CD96: variants seen among roughly 807,000 people sequenced by gnomAD.
CD96 encodes the protein T-cell surface protein tactile.
CD96 carries 70 observed loss-of-function variants against 71.3 expected under a neutral mutation model. The observed-to-expected ratio is 0.98, with a 90% confidence interval of 0.81 to 1.20. CD96 has a LOEUF of 1.20. Among genes scored for constraint, CD96 ranks in the 50% most tolerant of loss-of-function variants. CD96 has a pLI of 0.00. For synonymous variants in CD96, 248 were observed against 233.0 expected (o/e 1.06, Z -0.59); for missense variants, 742 against 677.5 (o/e 1.10, Z -1.06).
chr3:111,547,348 T>G (rs115649582), intron 2 of CD96, among the ~76,000 whole-genome samples: 1 of 152,344 alleles, frequency 6.6e-6, no homozygotes, highest in Non-Finnish European at 1.5e-5. Context: ...TGACCTCATT[T>G]GGAACCCAGT....
At chr3:111,661,986 T>C (rs1249706178) in intron 14 of CD96, among the ~76,000 whole-genome samples, 1 of 152,266 alleles carries the variant, frequency 6.6e-6, no homozygotes. Flanking sequence ...GCTCTGCCCC[T>C]GCAGCAGACT....
intron 6 of CD96, among the ~76,000 whole-genome samples, chr3:111,600,516 C>T (rs1221900836): frequency 1.3e-5 from 2 of 152,096 alleles, no homozygotes; most frequent in African/African-American, 4.8e-5. Flanking sequence ...TATTTTATAC[C>T]CTGACCATGG....
At chr3:111,607,214 A>G (rs960383785) in intron 8 of CD96, 1 of 220,998 alleles carries the variant, frequency 4.5e-6, no homozygotes, top group Non-Finnish European at 9.1e-6. Context: ...AAATAGGTTA[A>G]TAAATGACAG....
At chr3:111,644,187 T>C (rs1939722158) in intron 12 of CD96, among the ~76,000 whole-genome samples, 1 of 152,108 alleles carries the variant, frequency 6.6e-6, no homozygotes, top group Non-Finnish European at 1.5e-5. Flanking sequence ...CCAACTGATC[T>C]TCAACAAAGC....
intron 8 of CD96, among the ~76,000 whole-genome samples, chr3:111,617,588 T>C (rs1219488515): frequency 6.6e-6 from 1 of 152,154 alleles, no homozygotes. Context: ...TCCTCTCCAC[T>C]GAGAGCTGGA....
chr3:111,544,179 T>C (rs1440187396), intron 1 of CD96, among the ~76,000 whole-genome samples: 1 of 152,060 alleles, frequency 6.6e-6, no homozygotes, highest in African/African-American at 2.4e-5. Flanking sequence ...GGAGTCTCAC[T>C]CTGTTGCCAG....
intron 3 of CD96, among the ~76,000 whole-genome samples, chr3:111,573,051 T>G (rs1936058446): frequency 6.6e-6 from 1 of 152,180 alleles, no homozygotes; most frequent in African/African-American, 2.4e-5. Context: ...AAACTAATAA[T>G]CTACGTGAAT....
At chr3:111,631,089 A>G (rs1379523312) in intron 10 of CD96, among the ~76,000 whole-genome samples, 2 of 152,222 alleles carry the variant, frequency 1.3e-5, no homozygotes, top group African/African-American at 2.4e-5. Context: ...GAAAACCGGT[A>G]CAGGGTTGCC....
At chr3:111,598,308 G>C in intron 6 of CD96, 98 bp downstream of exon 6, 1 of 739,740 alleles carries the variant, frequency 1.4e-6, no homozygotes, top group Non-Finnish European at 2.5e-6. Flanking sequence ...TGGCATTTAA[G>C]AATGATTCTC....
chr3:111,547,275 A>G (rs1934455337), intron 2 of CD96, among the ~76,000 whole-genome samples: 1 of 152,234 alleles, frequency 6.6e-6, no homozygotes, highest in Admixed American at 6.5e-5. Flanking sequence ...TAATAATTAT[A>G]TTGAGCAAAT....
chr3:111,654,126 C>T (rs1440940762), downstream of CD96, among the ~76,000 whole-genome samples: 1 of 152,136 alleles, frequency 6.6e-6, no homozygotes, highest in Admixed American at 6.5e-5. Context: ...AATATAGAAA[C>T]TTTGTTCTCT....
intron 4 of CD96, among the ~76,000 whole-genome samples, chr3:111,582,903 G>T (rs1158068007): frequency 6.6e-6 from 1 of 152,068 alleles, no homozygotes; most frequent in Non-Finnish European, 1.5e-5. Flanking sequence ...TTCACCCATG[G>T]CCTGTCCCAA....
Position 111,651,677 on chromosome 3 carries a change from T to G in CD96, c.*1871T>G, listed in dbSNP as rs189597762. ...GTGGGTGGATCACGAGGTCAGGAGA[T>G]CGAGACCATCCTGGCTAACACAGTG... On this transcript the variant is annotated 3_prime_UTR_variant, in exon 14 of 14. Coordinates refer to ENST00000352690, the MANE Select transcript of CD96 (RefSeq NM_005816.5). The G allele has an allele frequency of 3.3e-5, 5 of 151,944 alleles. No individual in the cohort carries two copies. Among genetic ancestry groups the G allele is most frequent in the African/African-American group, 1.2e-4 (5 of 41,412 alleles). 9.4% of individuals were successfully genotyped at this position (151,944 alleles called of 1,614,324 possible).
chr3:111,604,108 C>CTTA (rs1937560064), intron 7 of CD96, among the ~76,000 whole-genome samples: 1 of 152,094 alleles, frequency 6.6e-6, no homozygotes, highest in African/African-American at 2.4e-5. Flanking sequence ...ACCTAGCAAG[C>CTTA]CCTGGGATTT....
intron 7 of CD96, among the ~76,000 whole-genome samples, chr3:111,604,174 G>A (rs1937562792): frequency 6.6e-6 from 1 of 152,178 alleles, no homozygotes; most frequent in Non-Finnish European, 1.5e-5. Flanking sequence ...GGAAACCCCG[G>A]AATTAAGCCA....
At chr3:111,657,786 ATG>A (rs147351969) in intron 14 of CD96, among the ~76,000 whole-genome samples, 36 of 151,444 alleles carry the variant, frequency 2.4e-4, no homozygotes, top group Non-Finnish European at 3.0e-5. Flanking sequence ...GTGTGTGTAT[ATG>A]TGTGTGTGTG....
At chr3:111,641,709 G>T (rs1176363396) in intron 12 of CD96, among the ~76,000 whole-genome samples, 1 of 152,168 alleles carries the variant, frequency 6.6e-6, no homozygotes, top group Non-Finnish European at 1.5e-5. Flanking sequence ...CTATTCAACA[G>T]TGCATGGAAC....
At chr3:111,655,295 C>T (rs1051610736), downstream of CD96, among the ~76,000 whole-genome samples, 6 of 151,928 alleles carry the variant, frequency 3.9e-5, no homozygotes, top group Non-Finnish European at 7.4e-5. Context: ...TTTTCGATGG[C>T]CAGTTTAGGG....
chr3:111,579,238 A>T lies in CD96; in HGVS notation c.751+4A>T. 2 of 1,533,240 alleles carry T rather than the reference A, an allele frequency of 1.3e-6. No homozygotes were observed. The highest frequency in any genetic ancestry group is 1.8e-6 in the Non-Finnish European group (2 of 1,106,004). 95.0% of individuals were successfully genotyped at this position (1,533,240 alleles called of 1,614,324 possible). On this transcript the variant is annotated splice_donor_region_variant and intron_variant, in intron 4 of 13. Coordinates refer to ENST00000352690, the MANE Select transcript of CD96 (RefSeq NM_005816.5). ...TCCACCACAGTCAAGGTTTTTGGTA[A>T]GGGCTTTTGTTCTACAGACTCACTG...
Sources: gnomAD v4.1 joint callset for allele counts (sites outside exome capture counted in the v4.1 genomes callset) on GRCh38, gnomAD v4.1.1 for gene constraint, MANE v1.5 for transcripts, NCBI Gene and HGNC (gene_info 2026-07-23, HGNC 2026-07-21) for gene names.